CCDC88C: variants seen among roughly 807,000 people sequenced by gnomAD.
The protein encoded by CCDC88C is protein Daple.
In CCDC88C, 131 loss-of-function variants were observed where a neutral mutation model predicts 198.8. The ratio of observed to expected loss-of-function variants is 0.66; its 90% confidence interval spans 0.57 to 0.76. CCDC88C has a LOEUF of 0.76. Among genes scored for constraint, CCDC88C ranks in the 30% least tolerant of loss-of-function variants. The pLI is 0.00. For synonymous variants in CCDC88C, 1,166 were observed against 1,114.7 expected (o/e 1.05, Z -0.92); for missense variants, 2,553 against 2,631.6 (o/e 0.97, Z 0.65).
intron 20 of CCDC88C, among the ~76,000 whole-genome samples, chr14:91,302,911 A>T (rs971271318): frequency 1.3e-5 from 2 of 152,210 alleles, no homozygotes; most frequent in African/African-American, 4.8e-5. Flanking sequence ...GAGACAGAAG[A>T]GAACCCTTAG....
chr14:91,285,708 T>G, intron 25 of CCDC88C: 8 of 1,288,842 alleles, frequency 6.2e-6, no homozygotes, highest in Non-Finnish European at 8.1e-6. Context: ...AGAGGCTCGT[T>G]AGGAGAGGAT....
rs1890503344 is a variant in CCDC88C at position 91,288,242 on chromosome 14, A to T, written c.4441+863T>A. ...TGAGAGTTGATGAAATACAGCATAC[A>T]TGATGAGAAATCCTGTTCTTGTTTC... On this transcript the variant is annotated intron_variant, in intron 25 of 29. Coordinates refer to ENST00000389857, the MANE Select transcript of CCDC88C (RefSeq NM_001080414.4). The surrounding 1 kb of genome is among the most constrained non-coding windows in gnomAD (Gnocchi z 4.2). 6.6e-6 allele frequency among the ~76,000 whole-genome samples: 1 copy of T among 152,236 alleles called. No individual in the cohort carries two copies. Among genetic ancestry groups the T allele is most frequent in the Non-Finnish European group, 1.5e-5 (1 of 68,040 alleles).
intron 3 of CCDC88C, among the ~76,000 whole-genome samples, chr14:91,367,152 C>T (rs892325246): frequency 2.0e-5 from 3 of 152,244 alleles, no homozygotes; most frequent in African/African-American, 4.8e-5. Flanking sequence ...AGAATAAACG[C>T]TGCCGAAAGC....
chr14:91,361,866 G>A (rs1191298540), intron 3 of CCDC88C, among the ~76,000 whole-genome samples: 3 of 152,164 alleles, frequency 2.0e-5, no homozygotes, highest in African/African-American at 7.2e-5. Context: ...CTGCTTTCCA[G>A]CTAATTTACT....
At chr14:91,392,538 G>A (rs947501611) in intron 3 of CCDC88C, among the ~76,000 whole-genome samples, 29 of 152,160 alleles carry the variant, frequency 1.9e-4, no homozygotes, top group African/African-American at 7.0e-4. Flanking sequence ...AAGTGGCTTT[G>A]CCTTTAGAAA....
chr14:91,312,171 C>T (rs1261107572), intron 15 of CCDC88C, among the ~76,000 whole-genome samples: 3 of 152,202 alleles, frequency 2.0e-5, no homozygotes, highest in Middle Eastern at 3.4e-3. Flanking sequence ...GATGGATCCC[C>T]TGAGGTCAAG....
At position 91,273,073 on chromosome 14, in the gene CCDC88C, G is replaced by A. The variant is rs749124708; in HGVS notation, c.5639C>T (p.Pro1880Leu). 2.0e-5 allele frequency: 31 copies of A among 1,559,342 alleles called. No individual in the cohort carries two copies. Among genetic ancestry groups the A allele is most frequent in the Admixed American group, 1.7e-4 (9 of 52,928 alleles). The change falls in exon 30 of 30, where the codon CCG becomes CTG. Residue 1880 changes from proline (P) to leucine (L), a missense_variant. Transcript: ENST00000389857. The surrounding 1 kb of genome is among the most constrained non-coding windows in gnomAD (Gnocchi z 5.6). Reference sequence around the variant, plus strand: ...CAGGGAGAAGCGCCTCGTGTCCAGCGGCCGGCTGCGGGGACCTGGGCCCTG... The same window carrying A: ...CAGGGAGAAGCGCCTCGTGTCCAGCAGCCGGCTGCGGGGACCTGGGCCCTG... ...SCQGPGPRSR[P>L]LDTRRFSLAP...
rs113150260 is a variant in CCDC88C at position 91,294,027 on chromosome 14, C to T, written c.4112+146G>A. 1,030 of 819,744 alleles carry T rather than the reference C, an allele frequency of 1.3e-3. 6 individuals are homozygous for T. In the African/African-American group the frequency reaches 0.015, roughly 12 times the overall value. 50.8% of individuals were successfully genotyped at this position (819,744 alleles called of 1,614,324 possible). The stretch of plus-strand genomic sequence containing the variant: ...ACATTCCAGGAAACTAAGGGCAGTC[C>T]GTGCTGGTGATCGGTCTGTGCCCTG... On this transcript the variant is annotated intron_variant, in intron 23 of 29. Transcript: ENST00000389857.
chr14:91,291,300 T>C (rs547100339), intron 23 of CCDC88C, among the ~76,000 whole-genome samples: 1 of 152,296 alleles, frequency 6.6e-6, no homozygotes, highest in African/African-American at 2.4e-5. Flanking sequence ...TGAGATTTAC[T>C]GAAGCCCCTG....
chr14:91,283,344 G>T lies in CCDC88C; in HGVS notation c.4615C>A (p.Pro1539Thr), dbSNP rs1890278740. The change falls in exon 26 of 30, where the codon CCA becomes ACA. Residue 1539 changes from proline to threonine, a missense_variant. Transcript: ENST00000389857. ...TGTGACTCACCTTTGGTGCGGCCTG[G>T]GTGCCGGGCGATGGGGGTGGAGTTG... ...PSNSTPIARHPGRTKGYNSDD... is the reference protein window; with the variant it reads ...PSNSTPIARHTGRTKGYNSDD... 3 of 1,613,562 alleles carry T rather than the reference G, an allele frequency of 1.9e-6. No homozygotes were observed. Among genetic ancestry groups the T allele is most frequent in the Non-Finnish European group, 2.5e-6 (3 of 1,179,846 alleles).
rs78468999 is a variant in CCDC88C, at chr14:91,313,938, C to G, written c.1878G>C (p.Lys626Asn). ...LHRDLEQAKEKGERAEKLERE... is the reference protein window; with the variant it reads ...LHRDLEQAKENGERAEKLERE... ...TCTCCAGCTTCTCTGCCCGCTCCCCCTTCTCCTTGGCCTGCTCCAAGTCCC... is the reference window on the plus strand; with the variant it reads ...TCTCCAGCTTCTCTGCCCGCTCCCCGTTCTCCTTGGCCTGCTCCAAGTCCC... Residue 626 changes from lysine (K) to asparagine (N), a missense_variant, in exon 15 of 30, where the codon AAG becomes AAC. Transcript: ENST00000389857. This position sits in a 1 kb window ranked among gnomAD's most constrained non-coding sequence, Gnocchi z 5.2. 1.1e-3 allele frequency: 1,744 copies of G among 1,613,400 alleles called. 2 individuals carry two copies. The highest frequency in any genetic ancestry group is 1.1e-3 in the Non-Finnish European group (1,252 of 1,179,866).
At chr14:91,333,650 A>G (rs1567082192) in intron 10 of CCDC88C, among the ~76,000 whole-genome samples, 1 of 152,222 alleles carries the variant, frequency 6.6e-6, no homozygotes, top group African/African-American at 2.4e-5. Flanking sequence ...TATAACGCAC[A>G]TATTAGTTTT....
chr14:91,289,902 G>A lies in CCDC88C; in HGVS notation c.4203-559C>T, dbSNP rs188852635. Among the ~76,000 whole-genome samples the A allele has an allele frequency of 1.6e-4, 24 of 152,252 alleles. 1 individual carries two copies. The East Asian group carries it at 4.1e-3, about 26-fold the overall frequency. On this transcript the variant is annotated intron_variant, in intron 24 of 29. Transcript: ENST00000389857. ...TGTGCTCTCACCCCGTCTCTGAAAC[G>A]AAACAGCATCTATTTATATTATCAC...
Position 91,417,699 on chromosome 14 carries a change from T to C in CCDC88C, c.-9A>G. ...GAGACTGTCACGTCCATGCTGAGGC[T>C]GCGCCCGCCGGCTCCGCGCCCCCCG... On this transcript the variant is annotated 5_prime_UTR_variant, in exon 1 of 30. Transcript: ENST00000389857. The C allele has an allele frequency of 6.6e-7, 1 of 1,505,264 alleles. No individual in the cohort carries two copies. Among genetic ancestry groups the C allele is most frequent in the Non-Finnish European group, 8.9e-7 (1 of 1,129,136 alleles). 93.2% of individuals were successfully genotyped at this position (1,505,264 alleles called of 1,614,324 possible). A position where few individuals can be genotyped will look rare whatever the true frequency, so the allele number is the denominator to read the frequency against.
Position 91,417,643 on chromosome 14 carries a change from C to T in CCDC88C, c.48G>A (p.Pro16=). ...CAGGCGCACTCACCCAGGTCACCAG[C>T]GGGCTCTGCAGGAAGAGCTCCAGGA... The part of the protein sequence containing the change: ...SELLELFLQS[P]LVTWVKTFGP... The change falls in exon 1 of 30, where the codon CCG becomes CCA. Residue 16 remains proline (P), a synonymous_variant. Coordinates refer to ENST00000389857, the MANE Select transcript of CCDC88C (RefSeq NM_001080414.4). 6.3e-7 allele frequency: 1 copy of T among 1,590,338 alleles called. No individual in the cohort carries two copies. The highest frequency in any genetic ancestry group is 2.4e-5 in the East Asian group (1 of 42,480).
At chr14:91,281,553 A>G in intron 26 of CCDC88C, 28 bp from the exon 27 acceptor site, 1 of 1,608,558 alleles carries the variant, frequency 6.2e-7, no homozygotes, top group Non-Finnish European at 8.5e-7. Context: ...CTAGTGAGTC[A>G]TGGTTACGGA....
intron 3 of CCDC88C, among the ~76,000 whole-genome samples, chr14:91,397,142 A>G (rs1333080073): frequency 6.6e-6 from 1 of 152,172 alleles, no homozygotes; most frequent in Non-Finnish European, 1.5e-5. Context: ...GCCTGGGGGA[A>G]GTCCCGATGT....
chr14:91,375,379 G>GT (rs1884340675), intron 3 of CCDC88C, among the ~76,000 whole-genome samples: 1 of 152,236 alleles, frequency 6.6e-6, no homozygotes, highest in African/African-American at 2.4e-5. Flanking sequence ...GACCCCTGCT[G>GT]TGTGAGGCTC....
intron 3 of CCDC88C, among the ~76,000 whole-genome samples, chr14:91,373,920 C>T (rs1489473475): frequency 2.6e-5 from 4 of 152,212 alleles, no homozygotes; most frequent in Admixed American, 6.5e-5. Flanking sequence ...CAAACCCCTC[C>T]GCCGGCAATG....
Sources: gnomAD v4.1 joint callset for allele counts (sites outside exome capture counted in the v4.1 genomes callset) on GRCh38, gnomAD v4.1.1 for gene constraint, Gnocchi (gnomAD v3.1) non-coding constraint, MANE v1.5 for transcripts, NCBI Gene and HGNC (gene_info 2026-07-23, HGNC 2026-07-21) for gene names.